The following PDE4DIP variants were observed in gnomAD, a reference collection of about 807,000 sequenced individuals.
The protein encoded by PDE4DIP is myomegalin.
In PDE4DIP, 59 loss-of-function variants were observed where a neutral mutation model predicts 221.4. The observed-to-expected ratio is 0.27, with a 90% confidence interval of 0.22 to 0.33. The LOEUF (loss-of-function observed/expected upper bound fraction) is 0.33, where lower values mean the gene tolerates loss of function less well. Ranked by LOEUF, PDE4DIP falls within the 10% of genes least tolerant of loss-of-function variation. The probability of loss-of-function intolerance (pLI) is 1.00; values close to 1 mark genes in which losing one functional copy is unlikely to be tolerated. For synonymous variants in PDE4DIP, 404 were observed against 815.9 expected (o/e 0.50, Z 8.60); for missense variants, 1,036 against 2,154.2 (o/e 0.48, Z 10.28).
At chr1:149,010,364 A>G in intron 30 of PDE4DIP, 79 bp from the exon 34 acceptor site, 1 of 1,254,650 alleles carries the variant, frequency 8.0e-7, no homozygotes, top group Non-Finnish European at 1.2e-6. Context: ...TAGCCCTGGT[A>G]CCCCTGGGTA....
chr1:148,992,333 AG>A, intron 22 of PDE4DIP: 1 of 1,588,090 alleles, frequency 6.3e-7, no homozygotes, highest in Non-Finnish European at 8.6e-7. Flanking sequence ...AACGCACCAC[AG>A]AAGACAGGGA....
intron 21 of PDE4DIP, chr1:148,989,452 C>G (rs1335029803): frequency 1.8e-5 from 9 of 505,252 alleles, no homozygotes; most frequent in Non-Finnish European, 2.4e-5. Context: ...AGAATGCAGA[C>G]GTGGCACCAG....
intron 14 of PDE4DIP, among the ~76,000 whole-genome samples, chr1:148,970,713 C>T (rs2059057258): frequency 6.6e-6 from 1 of 152,104 alleles, no homozygotes; most frequent in Non-Finnish European, 1.5e-5. Context: ...CTCTTAAATA[C>T]TACGAGAAAA....
At chr1:148,931,598 T>C in intron 2 of PDE4DIP, 1 of 546,870 alleles carries the variant, frequency 1.8e-6, no homozygotes, top group Non-Finnish European at 3.3e-6. Flanking sequence ...CCAGTCAGAA[T>C]GGCTACTATT....
intron 1 of PDE4DIP, among the ~76,000 whole-genome samples, chr1:148,905,365 A>ATTTTTAT (rs1161228032): frequency 1.9e-5 from 1 of 53,750 alleles, no homozygotes; most frequent in Admixed American, 2.0e-4. Flanking sequence ...TTGTATTTTT[A>ATTTTTAT]TTTTTATTTT....
chr1:149,004,323 A>G (rs1199276400), intron 26 of PDE4DIP, among the ~76,000 whole-genome samples: 1 of 151,692 alleles, frequency 6.6e-6, no homozygotes, highest in Non-Finnish European at 1.5e-5. Context: ...GGCATCTGGT[A>G]AAATGCCATG....
At chr1:149,028,469 C>T in intron 40 of PDE4DIP, 91 bp from the exon 44 acceptor site, 2 of 1,081,366 alleles carry the variant, frequency 1.8e-6, no homozygotes, top group Admixed American at 2.2e-5. Flanking sequence ...CAAGCAGGCC[C>T]ATGTTCTATG....
chr1:148,973,216 G>A (rs1312138779), intron 16 of PDE4DIP, among the ~76,000 whole-genome samples: 1 of 151,012 alleles, frequency 6.6e-6, no homozygotes, highest in Non-Finnish European at 1.5e-5. Context: ...CTGTCACCCA[G>A]GTGGGAGTGC....
At chr1:148,953,624 CA>C in intron 5 of PDE4DIP, 1 of 1,482,124 alleles carries the variant, frequency 6.7e-7, no homozygotes, top group Non-Finnish European at 9.4e-7. Context: ...GGCTCCGCAG[CA>C]TGGGTGTAAT....
rs4649511 is a variant in PDE4DIP at position 148,824,229 on chromosome 1, T to C, written c.233+15492T>C. ...AAGCACTCAGCTGGGGCTGCTGTCA[T>C]CTCAAGACTCGACAGGGGCTGAAAG... On this transcript the variant is annotated intron_variant, in intron 1 of 45. Coordinates refer to the PDE4DIP transcript ENST00000524974. Among the ~76,000 whole-genome samples the C allele has an allele frequency of 9.5e-4, 138 of 145,480 alleles. 1 individual carries two copies. The South Asian group carries it at 0.011, about 12-fold the overall frequency.
intron 32 of PDE4DIP, among the ~76,000 whole-genome samples, chr1:149,013,836 G>A (rs202018558): frequency 8.0e-6 from 1 of 124,664 alleles, no homozygotes; most frequent in East Asian, 2.4e-4. Flanking sequence ...CACGCAGACT[G>A]AAGTGCAGTG....
At chr1:149,016,313 C>T (rs1553610639) in exon 33 of PDE4DIP, 1 of 1,613,626 alleles carries the variant, frequency 6.2e-7, no homozygotes, top group African/African-American at 1.3e-5. Flanking sequence ...CAGCACTGTT[C>T]CTCCTGCTTC....
At chr1:148,898,768 C>G (rs1269175483) in intron 1 of PDE4DIP, among the ~76,000 whole-genome samples, 1 of 95,884 alleles carries the variant, frequency 1.0e-5, no homozygotes, top group Non-Finnish European at 1.9e-5. Flanking sequence ...GTGATCCACC[C>G]ACTTCGGCCT....
chr1:148,876,963 G>A (rs1206111145), intron 3 of PDE4DIP, among the ~76,000 whole-genome samples: 4 of 142,138 alleles, frequency 2.8e-5, no homozygotes, highest in Non-Finnish European at 5.9e-5. Context: ...GCAGTGAGCC[G>A]AGATTGCCAC....
At chr1:148,903,218 G>C (rs1174452076) in intron 1 of PDE4DIP, among the ~76,000 whole-genome samples, 3 of 133,096 alleles carry the variant, frequency 2.3e-5, no homozygotes, top group African/African-American at 6.2e-5. Context: ...TTTGAGAACT[G>C]TCTATTCATA....
chr1:149,008,985 T>TA (rs1464309630), intron 29 of PDE4DIP, among the ~76,000 whole-genome samples: 1 of 152,174 alleles, frequency 6.6e-6, no homozygotes, highest in African/African-American at 2.4e-5. Flanking sequence ...ATCAATGAAA[T>TA]ACGGGCTCAG....
chr1:148,919,834 G>T (rs6683768), intron 1 of PDE4DIP, among the ~76,000 whole-genome samples: 7 of 149,504 alleles, frequency 4.7e-5, no homozygotes, highest in Admixed American at 2.0e-4. Flanking sequence ...AATTGATTAG[G>T]ATGGGATTTG....
At chr1:148,990,977 ATGCTTTG>A (rs2062924584) in intron 21 of PDE4DIP, among the ~76,000 whole-genome samples, 1 of 83,020 alleles carries the variant, frequency 1.2e-5, no homozygotes, top group Non-Finnish European at 2.4e-5. Flanking sequence ...TTAAGATTCA[ATGCTTTG>A]AAATGTGAGC....
At chr1:148,985,386 G>A (rs2061741415) in intron 21 of PDE4DIP, 1 of 152,054 alleles carries the variant, frequency 6.6e-6, no homozygotes, top group East Asian at 1.9e-4. Flanking sequence ...CAGTTATAAT[G>A]TGTTTTAGAA....
Sources: allele counts gnomAD v4.1 joint callset (sites outside exome capture counted in the v4.1 genomes callset), GRCh38; gene constraint gnomAD v4.1.1; transcripts MANE v1.5; gene names NCBI Gene and HGNC (gene_info 2026-07-23, HGNC 2026-07-21).